The following NDUFAF2 variants were observed in gnomAD, a reference collection of about 807,000 sequenced individuals.
NDUFAF2 encodes NADH dehydrogenase [ubiquinone] 1 alpha subcomplex assembly factor 2.
A neutral mutation model predicts 22.8 loss-of-function variants in NDUFAF2; 13 were observed. The observed-to-expected ratio is 0.57, with a 90% CI of 0.37 to 0.91. The LOEUF (loss-of-function observed/expected upper bound fraction) is 0.91, where lower values mean the gene tolerates loss of function less well. Among genes scored for constraint, NDUFAF2 ranks in the 40% least tolerant of loss-of-function variants. NDUFAF2 has a pLI of 0.01. For synonymous variants in NDUFAF2, 53 were observed against 64.2 expected (o/e 0.83, Z 0.84); for missense variants, 162 against 195.2 (o/e 0.83, Z 1.01).
chr5:61,061,221 A>G (rs1752161378), intron 1 of NDUFAF2, among the ~76,000 whole-genome samples: 1 of 152,166 alleles, frequency 6.6e-6, no homozygotes, highest in Non-Finnish European at 1.5e-5. Flanking sequence ...AATAAAAACA[A>G]TCCCTTTCCA....
intron 1 of NDUFAF2, among the ~76,000 whole-genome samples, chr5:60,980,470 A>G (rs1481354419): frequency 6.6e-6 from 1 of 152,180 alleles, no homozygotes; most frequent in Non-Finnish European, 1.5e-5. Flanking sequence ...AGAAATACAA[A>G]TAATTAAAAA....
intron 3 of NDUFAF2, among the ~76,000 whole-genome samples, chr5:61,106,110 A>G (rs1206912234): frequency 6.6e-6 from 1 of 151,504 alleles, no homozygotes; most frequent in Non-Finnish European, 1.5e-5. Context: ...AGAGTTGGAA[A>G]ATCACCACTA....
chr5:61,038,238 T>C (rs1561547979), intron 1 of NDUFAF2, among the ~76,000 whole-genome samples: 2 of 152,072 alleles, frequency 1.3e-5, no homozygotes, highest in African/African-American at 4.8e-5. Context: ...TAAAATACTC[T>C]AAAAGACATT....
At chr5:61,079,902 C>CA (rs1752420892) in intron 2 of NDUFAF2, among the ~76,000 whole-genome samples, 1 of 152,182 alleles carries the variant, frequency 6.6e-6, no homozygotes, top group Non-Finnish European at 1.5e-5. Flanking sequence ...AACCGAAACT[C>CA]AAAGTAGTAA....
In NDUFAF2 at chr5:61,008,350, G is replaced by A. The variant is rs577489742; in HGVS notation, c.127+62968G>A. Among the ~76,000 whole-genome samples, 17 of 152,160 alleles carry A rather than the reference G, an allele frequency of 1.1e-4. No individual in the cohort carries two copies. In the South Asian group the frequency reaches 2.3e-3, roughly 20 times the overall value. On this transcript the variant is annotated intron_variant, in intron 1 of 3. Transcript: ENST00000296597. ...CATCTCTCAAACCTTGATAATTGAT[G>A]TTACTACAAAGAATAGTCTTTGTAA...
intron 1 of NDUFAF2, among the ~76,000 whole-genome samples, chr5:60,961,147 A>T (rs559792563): frequency 6.6e-6 from 1 of 152,270 alleles, no homozygotes; most frequent in East Asian, 1.9e-4. Context: ...AATGAAACTT[A>T]AAGTCTTCAG....
intron 1 of NDUFAF2, among the ~76,000 whole-genome samples, chr5:61,006,079 A>G (rs1232383327): frequency 1.3e-5 from 2 of 152,080 alleles, no homozygotes; most frequent in African/African-American, 4.8e-5. Context: ...TTTTAGGTCT[A>G]ACATTTAAGT....
At chr5:61,050,201 G>A (rs1752007410) in intron 1 of NDUFAF2, among the ~76,000 whole-genome samples, 1 of 151,924 alleles carries the variant, frequency 6.6e-6, no homozygotes, top group South Asian at 2.1e-4. Context: ...CAGTGCACAA[G>A]GGTTCCAGTT....
At chr5:61,127,308 C>A (rs1753049937) in intron 3 of NDUFAF2, among the ~76,000 whole-genome samples, 2 of 152,056 alleles carry the variant, frequency 1.3e-5, no homozygotes, top group South Asian at 4.1e-4. Flanking sequence ...CATCCTGATA[C>A]CAAAGCCGGA....
chr5:61,044,274 C>CA (rs1476734564), intron 1 of NDUFAF2, among the ~76,000 whole-genome samples: 1 of 151,404 alleles, frequency 6.6e-6, no homozygotes, highest in African/African-American at 2.4e-5. Context: ...TGTGGGTTTT[C>CA]AGGTATTTTC....
chr5:61,060,985 G>T (rs1752158564), intron 1 of NDUFAF2, among the ~76,000 whole-genome samples: 4 of 152,108 alleles, frequency 2.6e-5, no homozygotes. Context: ...GCTCAGGAAA[G>T]GAGAGATGCC....
At chr5:60,999,568 A>G (rs1057050650) in intron 1 of NDUFAF2, among the ~76,000 whole-genome samples, 1 of 152,056 alleles carries the variant, frequency 6.6e-6, no homozygotes, top group Non-Finnish European at 1.5e-5. Flanking sequence ...GAGGGAAGAA[A>G]ACAGTGTGGC....
At position 61,106,031 on chromosome 5, in the gene NDUFAF2, A is replaced by T. The variant is rs184584309; in HGVS notation, c.258+6999A>T. On this transcript the variant is annotated intron_variant, in intron 3 of 3. Transcript: ENST00000296597. Reference sequence around the variant, plus strand: ...AGTGGAGTTTAAGCTCGCACTAAAAACAATGACCTAGTTAAAAATCCGTTT... The same window carrying T: ...AGTGGAGTTTAAGCTCGCACTAAAATCAATGACCTAGTTAAAAATCCGTTT... Among the ~76,000 whole-genome samples the T allele has an allele frequency of 2.6e-5, 4 of 151,632 alleles. No individual in the cohort carries two copies. In the East Asian group the frequency reaches 7.7e-4, roughly 29 times the overall value.
chr5:61,077,777 A>T (rs1446994868), intron 2 of NDUFAF2, among the ~76,000 whole-genome samples: 5 of 152,174 alleles, frequency 3.3e-5, no homozygotes, highest in African/African-American at 9.7e-5. Flanking sequence ...TGGAAAATTC[A>T]TCAATAGTGA....
chr5:61,080,697 TA>T (rs1022399624), intron 2 of NDUFAF2, among the ~76,000 whole-genome samples: 1 of 152,110 alleles, frequency 6.6e-6, no homozygotes, highest in Admixed American at 6.6e-5. Flanking sequence ...TTTTTTTAAT[TA>T]AAAAAATTAG....
intron 1 of NDUFAF2, among the ~76,000 whole-genome samples, chr5:61,011,232 G>A (rs1751439106): frequency 1.3e-5 from 2 of 152,014 alleles, no homozygotes; most frequent in African/African-American, 4.8e-5. Flanking sequence ...ATTTTTGTTA[G>A]GAGGCAGAGC....
At chr5:61,140,505 T>A (rs1456123255) in intron 3 of NDUFAF2, among the ~76,000 whole-genome samples, 2 of 152,202 alleles carry the variant, frequency 1.3e-5, no homozygotes, top group African/African-American at 4.8e-5. Flanking sequence ...AAATACAGCA[T>A]ACCCAGTTAA....
At chr5:61,067,254 AC>A (rs1752240121) in intron 1 of NDUFAF2, among the ~76,000 whole-genome samples, 1 of 151,654 alleles carries the variant, frequency 6.6e-6, no homozygotes, top group Non-Finnish European at 1.5e-5. Flanking sequence ...GGTGTGCTGC[AC>A]CCATTAACTC....
chr5:61,039,568 G>C (rs1258442452), intron 1 of NDUFAF2, among the ~76,000 whole-genome samples: 2 of 152,148 alleles, frequency 1.3e-5, no homozygotes, highest in African/African-American at 4.8e-5. Flanking sequence ...TATAAGTGAT[G>C]ATATAATGTA....
Sources: gnomAD v4.1 joint callset for allele counts (sites outside exome capture counted in the v4.1 genomes callset) on GRCh38, gnomAD v4.1.1 for gene constraint, MANE v1.5 for transcripts, NCBI Gene and HGNC (gene_info 2026-07-23, HGNC 2026-07-21) for gene names.